The following FER1L6 variants were observed in gnomAD, a reference collection of about 807,000 sequenced individuals.
The protein encoded by FER1L6 is fer-1 like family member 6, also known as fer-1-like protein 6.
Under a neutral mutation model 219.2 loss-of-function variants are expected in FER1L6, and 177 were observed. The observed-to-expected ratio is 0.81, with a 90% CI of 0.71 to 0.91. The LOEUF (loss-of-function observed/expected upper bound fraction) is 0.91, where lower values mean the gene tolerates loss of function less well. FER1L6 is among the 40% of genes least tolerant of loss of function. FER1L6 has a pLI of 0.00. For missense variants in FER1L6, 2,153 were observed against 2,259.9 expected, an observed-to-expected ratio of 0.95 and a Z score of 0.96; for synonymous variants, 768 against 824.3, an observed-to-expected ratio of 0.93 and a Z score of 1.17.
chr8:124,047,426 C>T (rs938796259), intron 21 of FER1L6: 1 of 152,172 alleles, frequency 6.6e-6, no homozygotes, highest in African/African-American at 2.4e-5. Context: ...GTGCCCAATA[C>T]GTAGTAATGA....
chr8:124,055,343 C>T (rs937508386), intron 22 of FER1L6, among the ~76,000 whole-genome samples: 1 of 152,028 alleles, frequency 6.6e-6, no homozygotes, highest in Non-Finnish European at 1.5e-5. Context: ...CTACTGCACT[C>T]CAGCCTGGGT....
chr8:123,916,111 C>T (rs1813181947), intron 1 of FER1L6, among the ~76,000 whole-genome samples: 1 of 152,196 alleles, frequency 6.6e-6, no homozygotes, highest in Admixed American at 6.5e-5. Context: ...GTCAAAGCTG[C>T]CTTCTGCAGG....
At chr8:124,050,303 G>A (rs1316671495) in intron 22 of FER1L6, among the ~76,000 whole-genome samples, 1 of 152,128 alleles carries the variant, frequency 6.6e-6, no homozygotes, top group East Asian at 1.9e-4. Flanking sequence ...ATACAGTTTT[G>A]CAAAGACAAA....
chr8:124,030,627 C>T (rs1818917601), intron 18 of FER1L6, among the ~76,000 whole-genome samples: 1 of 152,136 alleles, frequency 6.6e-6, no homozygotes, highest in Non-Finnish European at 1.5e-5. Flanking sequence ...TCCTCACTCC[C>T]ATCGCCATCC....
chr8:123,854,470 G>A (rs1322638502), intron 1 of FER1L6, among the ~76,000 whole-genome samples: 2 of 152,164 alleles, frequency 1.3e-5, no homozygotes, highest in Non-Finnish European at 2.9e-5. Flanking sequence ...CAACTCAAAT[G>A]TGAAACTTAG....
chr8:124,079,468 A>G (rs1341972749), intron 32 of FER1L6, among the ~76,000 whole-genome samples: 1 of 152,246 alleles, frequency 6.6e-6, no homozygotes, highest in Non-Finnish European at 1.5e-5. Context: ...CATCTAAAAA[A>G]ATGCCACCAT....
chr8:123,911,793 C>T (rs773322470), intron 1 of FER1L6, among the ~76,000 whole-genome samples: 4 of 152,064 alleles, frequency 2.6e-5, no homozygotes, highest in African/African-American at 7.2e-5. Flanking sequence ...GACTCAGGGC[C>T]GTAGCCTGTC....
chr8:124,064,921 A>C (rs1366350467), intron 26 of FER1L6, among the ~76,000 whole-genome samples: 1 of 152,250 alleles, frequency 6.6e-6, no homozygotes, highest in African/African-American at 2.4e-5. Flanking sequence ...TATGGGACCA[A>C]GAAGATGCAT....
chr8:124,021,787 G>A, intron 17 of FER1L6, 118 bp downstream of exon 17: 1 of 1,108,316 alleles, frequency 9.0e-7, no homozygotes, highest in Non-Finnish European at 1.3e-6. Context: ...AGCCCTAGTG[G>A]GCTACGCAGG....
chr8:123,876,823 G>T (rs1000289371), intron 1 of FER1L6, among the ~76,000 whole-genome samples: 1 of 152,132 alleles, frequency 6.6e-6, no homozygotes, highest in African/African-American at 2.4e-5. Context: ...GCAGGGACTT[G>T]TTCACTGATA....
intron 1 of FER1L6, among the ~76,000 whole-genome samples, chr8:123,887,039 C>T (rs1191174612): frequency 1.3e-5 from 2 of 152,158 alleles, no homozygotes; most frequent in Non-Finnish European, 2.9e-5. Flanking sequence ...AACTGAAACT[C>T]ACCAGATCAT....
At chr8:123,967,081 CAAAA>C (rs34800682) in intron 5 of FER1L6, among the ~76,000 whole-genome samples, 4 of 92,342 alleles carry the variant, frequency 4.3e-5, no homozygotes, top group Non-Finnish European at 2.2e-5. Context: ...GACTCCACCT[CAAAA>C]AAAAAAAAAA....
At chr8:123,967,075 C>G (rs1325649653) in intron 5 of FER1L6, among the ~76,000 whole-genome samples, 1 of 134,234 alleles carries the variant, frequency 7.4e-6, no homozygotes, top group African/African-American at 2.8e-5. Context: ...GAGTGAGACT[C>G]CACCTCAAAA....
chr8:123,920,370 C>A (rs1212997850), intron 1 of FER1L6, among the ~76,000 whole-genome samples: 1 of 152,194 alleles, frequency 6.6e-6, no homozygotes, highest in Non-Finnish European at 1.5e-5. Flanking sequence ...CCCTGGATGG[C>A]CCCATCATCT....
At chr8:123,907,883 G>T (rs890826557) in intron 1 of FER1L6, among the ~76,000 whole-genome samples, 2 of 151,714 alleles carry the variant, frequency 1.3e-5, no homozygotes, top group African/African-American at 4.8e-5. Flanking sequence ...TACAAATACT[G>T]CACCACACAG....
chr8:123,891,332 A>T (rs1404115484), intron 1 of FER1L6, among the ~76,000 whole-genome samples: 1 of 152,178 alleles, frequency 6.6e-6, no homozygotes, highest in Non-Finnish European at 1.5e-5. Flanking sequence ...GCTTGTTCTT[A>T]CTTTGTCCTG....
Position 123,859,032 on chromosome 8 carries a change from A to T in FER1L6, c.-8+6847A>T, listed in dbSNP as rs560239444. On this transcript the variant is annotated intron_variant, in intron 1 of 40. Coordinates refer to ENST00000522917, the MANE Select transcript of FER1L6 (RefSeq NM_001039112.2). ...ATTTTTTTTTTTGAGACGGAGTCTC[A>T]TTCTGTCACACAGGCTGGAGTGCAG... Among the ~76,000 whole-genome samples, 12 of 151,840 alleles carry T rather than the reference A, an allele frequency of 7.9e-5. No individual in the cohort carries two copies. The South Asian group carries it at 2.5e-3, about 32-fold the overall frequency.
chr8:124,075,920 A>G (rs1466739570), intron 31 of FER1L6, among the ~76,000 whole-genome samples: 1 of 152,152 alleles, frequency 6.6e-6, no homozygotes, highest in East Asian at 1.9e-4. Flanking sequence ...GCTTCTTTCC[A>G]CTGAGGAGAT....
At chr8:123,982,325 T>C (rs1345018398) in intron 11 of FER1L6, among the ~76,000 whole-genome samples, 1 of 152,144 alleles carries the variant, frequency 6.6e-6, no homozygotes, top group Non-Finnish European at 1.5e-5. Context: ...AAAAATATTT[T>C]CTTCATCCAA....
Sources: allele counts gnomAD v4.1 joint callset (sites outside exome capture counted in the v4.1 genomes callset), GRCh38; gene constraint gnomAD v4.1.1; transcripts MANE v1.5; gene names NCBI Gene and HGNC (gene_info 2026-07-23, HGNC 2026-07-21).